Variants in ERC1 observed in about 807,000 individuals in gnomAD.
ERC1 encodes RAB6 interacting protein 2.
ERC1 carries 56 observed loss-of-function variants against 132.0 expected under a neutral mutation model. That is an observed-to-expected ratio of 0.42 (90% CI 0.34 to 0.53). ERC1 has a LOEUF of 0.53. Ranked by LOEUF, ERC1 falls within the 20% of genes least tolerant of loss-of-function variation. The pLI is 0.03. For synonymous variants in ERC1, 478 were observed against 476.1 expected, an observed-to-expected ratio of 1.00 and a Z score of -0.05; for missense variants, 1,202 against 1,349.9, an observed-to-expected ratio of 0.89 and a Z score of 1.72.
chr12:1,196,854 C>CTG (rs1956309371), intron 12 of ERC1, among the ~76,000 whole-genome samples: 2 of 123,738 alleles, frequency 1.6e-5, no homozygotes, highest in African/African-American at 3.5e-5. Context: ...GTCTGTCTCT[C>CTG]TCTCACTCTC....
rs943525084 is a variant in ERC1 at position 1,494,166 on chromosome 12, G to C, written c.*3936G>C. On this transcript the variant is annotated 3_prime_UTR_variant, in exon 19 of 19. Transcript: ENST00000360905. ...GCGGACCCTGTGTCAGCAAATACCA[G>C]TAATTTAACATCTGCTCCTGGCCTC... 4.3e-5 allele frequency: 10 copies of C among 232,116 alleles called. No homozygotes were observed. Among genetic ancestry groups the C allele is most frequent in the Non-Finnish European group, 7.7e-5 (9 of 117,488 alleles). The allele number at this position is 232,116 out of a possible 1,614,324, so 14.4% of individuals were successfully genotyped here. A position where few individuals can be genotyped will look rare whatever the true frequency, so the allele number is the denominator to read the frequency against.
At chr12:1,390,016 T>C (rs1306460765) in intron 16 of ERC1, among the ~76,000 whole-genome samples, 2 of 152,178 alleles carry the variant, frequency 1.3e-5, no homozygotes, top group East Asian at 3.8e-4. Flanking sequence ...TAATTTCCTC[T>C]CCACTCATGG....
chr12:1,008,098 A>G (rs1964039700), intron 1 of ERC1, among the ~76,000 whole-genome samples: 1 of 152,246 alleles, frequency 6.6e-6, no homozygotes, highest in African/African-American at 2.4e-5. Flanking sequence ...TGATATTGTT[A>G]CCCAGGGATT....
chr12:1,199,087 G>A (rs1453865282), intron 12 of ERC1, among the ~76,000 whole-genome samples: 1 of 149,758 alleles, frequency 6.7e-6, no homozygotes, highest in Non-Finnish European at 1.5e-5. Flanking sequence ...CTTCCCACCA[G>A]GCCCCACCTC....
At chr12:1,262,178 C>T (rs12299413) in intron 13 of ERC1, among the ~76,000 whole-genome samples, 8,423 of 152,240 alleles carry the variant, frequency 0.055, 550 homozygotes, top group African/African-American at 0.16. Context: ...TATTCTTAAT[C>T]CTCTAGTTTC....
chr12:1,272,387 G>A (rs987800455), intron 14 of ERC1, among the ~76,000 whole-genome samples: 5 of 152,132 alleles, frequency 3.3e-5, no homozygotes, highest in African/African-American at 9.7e-5. Flanking sequence ...CACCAGCAGT[G>A]ACAAACTTAC....
At chr12:1,229,073 T>G (rs1211055520) in intron 12 of ERC1, among the ~76,000 whole-genome samples, 1 of 152,210 alleles carries the variant, frequency 6.6e-6, no homozygotes, top group Admixed American at 6.5e-5. Flanking sequence ...TGGATGAATT[T>G]GAGAAGAATT....
intron 12 of ERC1, 21 bp from the exon 13 acceptor site, chr12:1,236,748 T>G (rs377543277): frequency 1.9e-6 from 3 of 1,609,240 alleles, no homozygotes; most frequent in Non-Finnish European, 2.5e-6. Flanking sequence ...CAAAGCTTGA[T>G]TTTTCTCCTT....
chr12:1,222,550 A>G (rs1336946839), intron 12 of ERC1, among the ~76,000 whole-genome samples: 1 of 152,230 alleles, frequency 6.6e-6, no homozygotes, highest in Non-Finnish European at 1.5e-5. Context: ...TAAATATTAT[A>G]GATGTTTATA....
At chr12:1,323,817 T>C (rs751794690) in intron 15 of ERC1, among the ~76,000 whole-genome samples, 1 of 152,204 alleles carries the variant, frequency 6.6e-6, no homozygotes, top group African/African-American at 2.4e-5. Flanking sequence ...ATTTTTTCTT[T>C]TAAATGTGCA....
chr12:1,286,672 A>T (rs961837453), intron 14 of ERC1, among the ~76,000 whole-genome samples: 8 of 152,190 alleles, frequency 5.3e-5, no homozygotes, highest in Non-Finnish European at 1.0e-4. Context: ...TCTATATAGT[A>T]AACTTCAAAA....
intron 1 of ERC1, among the ~76,000 whole-genome samples, chr12:1,016,791 C>T (rs1357442642): frequency 6.6e-6 from 1 of 151,242 alleles, no homozygotes; most frequent in Non-Finnish European, 1.5e-5. Flanking sequence ...GCTGGGTTTA[C>T]AGGCGTGTAC....
chr12:1,163,210 A>G (rs1265577130), intron 8 of ERC1, among the ~76,000 whole-genome samples: 1 of 152,170 alleles, frequency 6.6e-6, no homozygotes, highest in Non-Finnish European at 1.5e-5. Flanking sequence ...CTGATCCTAT[A>G]CAAGTGATAT....
chr12:1,474,093 G>A (rs1364222710), intron 18 of ERC1, among the ~76,000 whole-genome samples: 1 of 152,176 alleles, frequency 6.6e-6, no homozygotes, highest in East Asian at 1.9e-4. Context: ...GCAGATTCAA[G>A]TTAGGGGCTT....
chr12:1,034,411 TAAAAATAAATAA>T (rs1375904352), intron 2 of ERC1, among the ~76,000 whole-genome samples: 2 of 151,822 alleles, frequency 1.3e-5, no homozygotes, highest in Admixed American at 6.6e-5. Flanking sequence ...CCTTGTCTCT[TAAAAATAAATAA>T]AAAAATAAAT....
At chr12:1,045,657 T>C (rs545766688) in intron 2 of ERC1, among the ~76,000 whole-genome samples, 1 of 152,274 alleles carries the variant, frequency 6.6e-6, no homozygotes, top group Admixed American at 6.5e-5. Context: ...GTGACAGATA[T>C]TGGTCCGTCT....
intron 15 of ERC1, among the ~76,000 whole-genome samples, chr12:1,319,268 T>C (rs1410667961): frequency 6.6e-6 from 1 of 152,232 alleles, no homozygotes; most frequent in Non-Finnish European, 1.5e-5. Context: ...AAATTTGATT[T>C]TAATTCATCC....
intron 15 of ERC1, among the ~76,000 whole-genome samples, chr12:1,331,792 A>G (rs1489057101): frequency 6.6e-6 from 1 of 152,040 alleles, no homozygotes; most frequent in Non-Finnish European, 1.5e-5. Flanking sequence ...GCCATGGTGT[A>G]TTTTGCAGCT....
intron 17 of ERC1, chr12:1,444,347 C>T (rs2093243376): frequency 2.3e-6 from 1 of 431,574 alleles, no homozygotes; most frequent in Non-Finnish European, 4.1e-6. Flanking sequence ...CTCTTCCTGT[C>T]TCCCAGAAGG....
Sources: allele counts gnomAD v4.1 joint callset (sites outside exome capture counted in the v4.1 genomes callset), GRCh38; gene constraint gnomAD v4.1.1; transcripts MANE v1.5; gene names NCBI Gene and HGNC (gene_info 2026-07-23, HGNC 2026-07-21).